Variants in PIK3C2B observed in about 807,000 individuals in gnomAD.
PIK3C2B encodes phosphatidylinositol-4-phosphate 3-kinase catalytic subunit type 2 beta.
In PIK3C2B, 83 loss-of-function variants were observed where a neutral mutation model predicts 184.3. The ratio of observed to expected loss-of-function variants is 0.45; its 90% CI spans 0.38 to 0.54. The LOEUF is 0.54. PIK3C2B is among the 20% of genes least tolerant of loss of function. The probability of loss-of-function intolerance (pLI) is 0.00; values close to 1 mark genes in which losing one functional copy is unlikely to be tolerated. For missense variants in PIK3C2B, 1,736 were observed against 2,113.5 expected, an observed-to-expected ratio of 0.82 and a Z score of 3.50; for synonymous variants, 779 against 837.6, an observed-to-expected ratio of 0.93 and a Z score of 1.21.
rs781104593 is a variant in PIK3C2B at position 204,433,784 on chromosome 1, G to C, written c.3843+9C>G. On this transcript the variant is annotated intron_variant, in intron 25 of 32. Coordinates refer to ENST00000684373, the MANE Select transcript of PIK3C2B (RefSeq NM_001377334.1). This position sits in a 1 kb window ranked among gnomAD's most constrained non-coding sequence, Gnocchi z 5.0. ...AAGAAGGTATTCGGAAAGGGATGGA[G>C]CTCCTCACCAGGCCCAGAAGGTTGA... is the stretch of plus-strand genomic sequence containing the variant. 6.2e-7 allele frequency: 1 copy of C among 1,612,170 alleles called. No homozygotes were observed. Among genetic ancestry groups the C allele is most frequent in the Admixed American group, 1.7e-5 (1 of 60,020 alleles).
chr1:204,426,447 T>C (rs1674747554), intron 31 of PIK3C2B, among the ~76,000 whole-genome samples: 2 of 152,194 alleles, frequency 1.3e-5, no homozygotes, highest in Admixed American at 1.3e-4. Flanking sequence ...TGCATAAACA[T>C]GGCTCCCTCC....
chr1:204,441,529 AG>A lies in PIK3C2B; in HGVS notation c.3190del (p.Leu1064SerfsTer30). 6.2e-7 allele frequency: 1 copy of A among 1,613,332 alleles called. No individual in the cohort carries two copies. The highest frequency in any genetic ancestry group is 1.1e-5 in the South Asian group (1 of 91,054). On this transcript the variant is annotated frameshift_variant, in exon 21 of 33. Transcript: ENST00000684373. LOFTEE classifies it high-confidence loss of function. ...CSYFNSNAVP[L>X]KLSFQNVDPL... Reference sequence around the variant, plus strand: ...ATCCACATTTTGGAAGGAGAGTTTGAGGGGGACAGCATTGGAGTTGAAGTAG... The same window carrying A: ...ATCCACATTTTGGAAGGAGAGTTTGAGGGGACAGCATTGGAGTTGAAGTAG...
chr1:204,443,016 T>C (rs948699199), intron 19 of PIK3C2B, among the ~76,000 whole-genome samples: 4 of 152,236 alleles, frequency 2.6e-5, no homozygotes, highest in Non-Finnish European at 4.4e-5. Context: ...GCTGGCTGGT[T>C]ACAATGTCTT....
intron 21 of PIK3C2B, among the ~76,000 whole-genome samples, chr1:204,440,590 A>G (rs1675597404): frequency 8.1e-6 from 1 of 123,408 alleles, no homozygotes; most frequent in African/African-American, 2.9e-5. Context: ...CCCTCTGACC[A>G]TCAGGCCTTT....
At chr1:204,426,344 C>T (rs1056114265) in intron 31 of PIK3C2B, among the ~76,000 whole-genome samples, 3 of 152,238 alleles carry the variant, frequency 2.0e-5, no homozygotes, top group African/African-American at 4.8e-5. Context: ...CAGCCGCTGG[C>T]CCCTTGCTGT....
intron 1 of PIK3C2B, among the ~76,000 whole-genome samples, chr1:204,491,763 T>G (rs1207282573): frequency 1.3e-5 from 2 of 152,174 alleles, no homozygotes; most frequent in Admixed American, 1.3e-4. Flanking sequence ...GAACACAGGG[T>G]AAGGAGTGAG....
intron 1 of PIK3C2B, among the ~76,000 whole-genome samples, chr1:204,492,482 C>G (rs1658070037): frequency 6.6e-6 from 1 of 152,168 alleles, no homozygotes; most frequent in African/African-American, 2.4e-5. Context: ...ACCCACTGGT[C>G]CAGGCCAGGG....
chr1:204,438,872 A>C, intron 23 of PIK3C2B, 63 bp downstream of exon 23: 1 of 1,564,990 alleles, frequency 6.4e-7, no homozygotes, highest in South Asian at 1.1e-5. Flanking sequence ...TTGTGGTTAA[A>C]GAGCTGTGTG....
rs1158858411 is a variant in PIK3C2B at position 204,425,040 on chromosome 1, A to C, written c.4717T>G (p.Leu1573Val). The C allele has an allele frequency of 6.2e-7, 1 of 1,612,186 alleles. No individual in the cohort carries two copies. Among genetic ancestry groups the C allele is most frequent in the Admixed American group, 1.7e-5 (1 of 59,896 alleles). ...CCCTTGGGGATCCCATCATATACCA[A>C]CTGCAAACATAGAGATGGGTGAGGG... ...KTCNPTYNEM[L>V]VYDGIPKGDL... Residue 1573 changes from leucine to valine, a missense_variant and splice_region_variant, in exon 33 of 33, where the codon TTG (leucine) becomes GTG (valine). Leu to Val is a conservative substitution (Grantham distance 32). Transcript: ENST00000684373.
chr1:204,446,032 G>A lies in PIK3C2B; in HGVS notation c.2602C>T (p.Leu868=). ...ASAPSWEWAC[L]PDIYVLLKQW... is the part of the protein sequence containing the mutation. Reference sequence around the variant, plus strand: ...TTCAGGAGAACATAGATGTCAGGCAGGCAAGCCCACTCCCAGCTGGGGGCG... The same window carrying A: ...TTCAGGAGAACATAGATGTCAGGCAAGCAAGCCCACTCCCAGCTGGGGGCG... The change falls in exon 16 of 33, where the codon CTG becomes TTG. Residue 868 remains leucine, a synonymous_variant. Coordinates refer to ENST00000684373, the MANE Select transcript of PIK3C2B (RefSeq NM_001377334.1). 1 of 1,604,572 alleles carries A rather than the reference G, an allele frequency of 6.2e-7. No homozygotes were observed. Among genetic ancestry groups the A allele is most frequent in the Non-Finnish European group, 8.5e-7 (1 of 1,173,524 alleles).
At position 204,424,538 on chromosome 1, in the gene PIK3C2B, A is replaced by G; in HGVS notation, c.*314T>C. 5.5e-6 allele frequency: 2 copies of G among 365,878 alleles called. No individual in the cohort carries two copies. Among genetic ancestry groups the G allele is most frequent in the South Asian group, 4.3e-5 (2 of 46,746 alleles). 22.7% of individuals were successfully genotyped at this position (365,878 alleles called of 1,614,324 possible). On this transcript the variant is annotated 3_prime_UTR_variant, in exon 33 of 33. Coordinates refer to ENST00000684373, the MANE Select transcript of PIK3C2B (RefSeq NM_001377334.1). ...CCACCCACCCCCAAAATGCTACTTC[A>G]TACAGCCCACCCCACACACTCCCCA...
intron 1 of PIK3C2B, among the ~76,000 whole-genome samples, chr1:204,487,164 G>T (rs1213622799): frequency 6.6e-6 from 1 of 152,128 alleles, no homozygotes. Flanking sequence ...GGAGTGCAGT[G>T]GTGCAATCAT....
chr1:204,472,175 T>C (rs1656344962), intron 1 of PIK3C2B, among the ~76,000 whole-genome samples: 1 of 151,236 alleles, frequency 6.6e-6, no homozygotes, highest in African/African-American at 2.4e-5. Flanking sequence ...ACTTTTTTTT[T>C]TTTTTTGAGA....
At chr1:204,441,888 A>C (rs1176229317) in intron 20 of PIK3C2B, among the ~76,000 whole-genome samples, 1 of 152,156 alleles carries the variant, frequency 6.6e-6, no homozygotes, top group East Asian at 1.9e-4. Context: ...CCTCTGTAAA[A>C]GGGGACTCCC....
intron 1 of PIK3C2B, among the ~76,000 whole-genome samples, chr1:204,486,891 T>A (rs1359085410): frequency 6.6e-6 from 1 of 152,178 alleles, no homozygotes; most frequent in East Asian, 1.9e-4. Context: ...CACTGCAATC[T>A]CCACCTCCTG....
At chr1:204,491,809 A>G (rs759198236) in intron 1 of PIK3C2B, among the ~76,000 whole-genome samples, 8 of 152,204 alleles carry the variant, frequency 5.3e-5, no homozygotes, top group Non-Finnish European at 1.0e-4. Context: ...ATCATTTACT[A>G]GCTGGCTGAC....
intron 5 of PIK3C2B, among the ~76,000 whole-genome samples, chr1:204,461,429 C>A (rs952442458): frequency 1.1e-4 from 17 of 152,160 alleles, no homozygotes; most frequent in Non-Finnish European, 2.5e-4. Context: ...AGAGGGAGAA[C>A]TACCTCCAGG....
chr1:204,454,867 C>A, intron 11 of PIK3C2B, 76 bp from the exon 12 acceptor site: 1 of 1,500,788 alleles, frequency 6.7e-7, no homozygotes, highest in East Asian at 2.3e-5. Context: ...CCCTCTAAGG[C>A]CAAAATCCAT....
At chr1:204,478,042 C>T (rs1320537900) in intron 1 of PIK3C2B, among the ~76,000 whole-genome samples, 1 of 152,096 alleles carries the variant, frequency 6.6e-6, no homozygotes, top group Admixed American at 6.5e-5. Context: ...GGGTTTCAAG[C>T]CCCCAGTCTT....
Sources: allele counts gnomAD v4.1 joint callset (sites outside exome capture counted in the v4.1 genomes callset), GRCh38; gene constraint gnomAD v4.1.1; non-coding constraint Gnocchi (gnomAD v3.1); transcripts MANE v1.5; gene names NCBI Gene and HGNC (gene_info 2026-07-23, HGNC 2026-07-21).